ATRN: variants seen among roughly 807,000 people sequenced by gnomAD.
ATRN encodes attractin-2.
In ATRN, 54 loss-of-function variants were observed where a neutral mutation model predicts 178.7. The observed-to-expected ratio is 0.30, with a 90% CI of 0.24 to 0.38. ATRN has a LOEUF of 0.38. Ranked by LOEUF, ATRN falls within the 10% of genes least tolerant of loss-of-function variation. The pLI, the probability that ATRN is intolerant of heterozygous loss-of-function variation, is 1.00. For synonymous variants in ATRN, 636 were observed against 663.0 expected, an observed-to-expected ratio of 0.96 and a Z score of 0.63; for missense variants, 1,443 against 1,815.1, an observed-to-expected ratio of 0.79 and a Z score of 3.73.
chr20:3,513,644 A>G (rs2085166583), intron 1 of ATRN, among the ~76,000 whole-genome samples: 1 of 152,212 alleles, frequency 6.6e-6, no homozygotes, highest in Non-Finnish European at 1.5e-5. Context: ...AATTCTGTGA[A>G]GAAAGTCATT....
intron 14 of ATRN, among the ~76,000 whole-genome samples, chr20:3,577,379 T>C (rs748128433): frequency 1.5e-3 from 221 of 152,132 alleles, no homozygotes; most frequent in Non-Finnish European, 2.7e-3. Context: ...GGGATTTAAT[T>C]GTTGGCACCT....
chr20:3,577,263 C>T (rs1452451847), intron 14 of ATRN, among the ~76,000 whole-genome samples: 1 of 152,198 alleles, frequency 6.6e-6, no homozygotes, highest in Non-Finnish European at 1.5e-5. Flanking sequence ...ACTGAGCCTG[C>T]TCCTTGTCTC....
intron 1 of ATRN, among the ~76,000 whole-genome samples, chr20:3,501,165 T>C (rs978724678): frequency 3.3e-5 from 5 of 152,176 alleles, no homozygotes; most frequent in Admixed American, 3.3e-4. Context: ...TGGATAATTA[T>C]ATTGGATTGG....
At chr20:3,505,447 G>A (rs2085029793) in intron 1 of ATRN, among the ~76,000 whole-genome samples, 2 of 152,298 alleles carry the variant, frequency 1.3e-5, no homozygotes, top group African/African-American at 4.8e-5. Context: ...ATAGCCTGTC[G>A]TGGGACTTCT....
At position 3,597,886 on chromosome 20, in the gene ATRN, G is replaced by T. The variant is rs1412387586; in HGVS notation, c.3470-20G>T. ...TTGTGTGTGTTTAGTTTTTAAATAT[G>T]CATTTCTTTCTTTCCATAGATACTC... On this transcript the variant is annotated intron_variant, in intron 21 of 28. Coordinates refer to ENST00000262919, the MANE Select transcript of ATRN (RefSeq NM_139321.3). 2 of 1,441,046 alleles carry T rather than the reference G, an allele frequency of 1.4e-6. No homozygotes were observed. The highest frequency in any genetic ancestry group is 2.4e-5 in the South Asian group (2 of 84,990). The allele number at this position is 1,441,046 out of a possible 1,614,324, so 89.3% of individuals were successfully genotyped here.
chr20:3,635,712 A>G (rs2087020482), intron 26 of ATRN, among the ~76,000 whole-genome samples: 1 of 152,224 alleles, frequency 6.6e-6, no homozygotes, highest in Non-Finnish European at 1.5e-5. Context: ...GGGTTAAGAC[A>G]GGCTCCAGGA....
intron 4 of ATRN, among the ~76,000 whole-genome samples, chr20:3,546,776 T>C (rs1289850211): frequency 6.6e-6 from 1 of 152,190 alleles, no homozygotes; most frequent in African/African-American, 2.4e-5. Context: ...ATTTTAAATA[T>C]ACCAATCTGG....
At chr20:3,475,713 A>G (rs1348162129) in intron 1 of ATRN, among the ~76,000 whole-genome samples, 1 of 152,232 alleles carries the variant, frequency 6.6e-6, no homozygotes, top group Non-Finnish European at 1.5e-5. Context: ...TTCCTGCTGT[A>G]GAAAATGTTT....
chr20:3,486,223 C>T (rs183730723), intron 1 of ATRN, among the ~76,000 whole-genome samples: 4 of 152,082 alleles, frequency 2.6e-5, no homozygotes, highest in East Asian at 1.9e-4. Flanking sequence ...ACAAGTGTGA[C>T]GTGTCTGTCA....
At chr20:3,552,366 C>A (rs976054069) in intron 6 of ATRN, among the ~76,000 whole-genome samples, 2 of 152,156 alleles carry the variant, frequency 1.3e-5, no homozygotes, top group Admixed American at 1.3e-4. Context: ...TGGCTGTGTA[C>A]TAGGCATCTT....
intron 1 of ATRN, among the ~76,000 whole-genome samples, chr20:3,477,810 C>T (rs1350342832): frequency 3.3e-5 from 5 of 152,224 alleles, no homozygotes; most frequent in Admixed American, 6.5e-5. Flanking sequence ...TTAAAAAAGT[C>T]GTCTTTACCC....
At chr20:3,541,821 C>G (rs2085626772) in intron 3 of ATRN, among the ~76,000 whole-genome samples, 1 of 152,148 alleles carries the variant, frequency 6.6e-6, no homozygotes, top group African/African-American at 2.4e-5. Flanking sequence ...ATTTCTTTGT[C>G]TCAAACATTT....
At chr20:3,599,218 G>A (rs923390218) in intron 22 of ATRN, among the ~76,000 whole-genome samples, 3 of 151,806 alleles carry the variant, frequency 2.0e-5, no homozygotes, top group African/African-American at 7.3e-5. Flanking sequence ...TTTTCTTAAC[G>A]ATTTTAGAAT....
chr20:3,490,066 T>G (rs1438046036), intron 1 of ATRN: 12 of 1,218,720 alleles, frequency 9.8e-6, no homozygotes, highest in Non-Finnish European at 1.5e-5. Context: ...AAAAGCAATG[T>G]CTTTGTTCTC....
At chr20:3,509,178 C>CAGTT (rs2085088375) in intron 1 of ATRN, among the ~76,000 whole-genome samples, 2 of 152,236 alleles carry the variant, frequency 1.3e-5, no homozygotes, top group South Asian at 2.1e-4. Context: ...CTCAAGATAC[C>CAGTT]AGTTCAATGA....
chr20:3,622,869 G>A (rs2086907270), intron 24 of ATRN, among the ~76,000 whole-genome samples: 1 of 152,188 alleles, frequency 6.6e-6, no homozygotes. Context: ...AAGAAATCAG[G>A]CTAATAACCA....
chr20:3,607,077 T>C (rs2086685941), intron 24 of ATRN, among the ~76,000 whole-genome samples: 1 of 152,206 alleles, frequency 6.6e-6, no homozygotes, highest in Non-Finnish European at 1.5e-5. Context: ...TCTAGGTTTT[T>C]ATATCATGTT....
At chr20:3,514,881 C>T (rs559378306) in intron 1 of ATRN, among the ~76,000 whole-genome samples, 2 of 152,178 alleles carry the variant, frequency 1.3e-5, no homozygotes, top group Admixed American at 6.5e-5. Flanking sequence ...CGCTTGAGCC[C>T]GGTTGGTTGA....
chr20:3,542,354 A>G lies in ATRN; in HGVS notation c.608+2019A>G, dbSNP rs1327045889. Reference sequence around the variant, plus strand: ...AGGAGCCTTGTAGGAACATGAGCCAAGCAGGTATACATCACTCTGTGGTTC... The same window carrying G: ...AGGAGCCTTGTAGGAACATGAGCCAGGCAGGTATACATCACTCTGTGGTTC... On this transcript the variant is annotated intron_variant, in intron 3 of 28. Transcript: ENST00000262919. Among the ~76,000 whole-genome samples the G allele has an allele frequency of 2.0e-5, 3 of 152,230 alleles. No homozygotes were observed. The East Asian group carries it at 5.8e-4, about 29-fold the overall frequency.
Sources: allele counts gnomAD v4.1 joint callset (sites outside exome capture counted in the v4.1 genomes callset), GRCh38; gene constraint gnomAD v4.1.1; transcripts MANE v1.5; gene names NCBI Gene and HGNC (gene_info 2026-07-23, HGNC 2026-07-21).